AP3M1: variants seen among roughly 807,000 people sequenced by gnomAD.
The protein encoded by AP3M1 is adaptor related protein complex 3 subunit mu 1.
AP3M1 carries 29 observed loss-of-function variants against 42.6 expected under a neutral mutation model. The ratio of observed to expected loss-of-function variants is 0.68; its 90% CI spans 0.51 to 0.93. The LOEUF (loss-of-function observed/expected upper bound fraction) is 0.93. AP3M1 is among the 40% of genes least tolerant of loss of function. The pLI, the probability that AP3M1 is intolerant of heterozygous loss-of-function variation, is 0.00. For missense variants in AP3M1, 416 were observed against 510.2 expected (o/e 0.82, Z 1.78); for synonymous variants, 178 against 175.3 (o/e 1.02, Z -0.12).
At chr10:74,148,890 T>G (rs1167902686) in intron 1 of AP3M1, among the ~76,000 whole-genome samples, 1 of 151,670 alleles carries the variant, frequency 6.6e-6, no homozygotes, top group Non-Finnish European at 1.5e-5. Context: ...TTTTTTTTTT[T>G]TGAGACGGAG....
At chr10:74,135,886 G>T (rs1368871582) in intron 3 of AP3M1, among the ~76,000 whole-genome samples, 2 of 151,994 alleles carry the variant, frequency 1.3e-5, no homozygotes, top group Non-Finnish European at 1.5e-5. Flanking sequence ...TTTCTTATAG[G>T]CCTCTCTCAC....
intron 2 of AP3M1, 115 bp from the exon 3 acceptor site, chr10:74,136,918 G>A (rs990944849): frequency 3.0e-6 from 2 of 664,754 alleles, no homozygotes; most frequent in Middle Eastern, 3.8e-4. Flanking sequence ...TTAAGCTGCT[G>A]AACATATATA....
rs995854320 is a variant in AP3M1, at chr10:74,123,666, T to A, written c.*144A>T. The A allele has an allele frequency of 6.0e-6, 4 of 667,744 alleles. No homozygotes were observed. The highest frequency in any genetic ancestry group is 1.1e-5 in the Non-Finnish European group (4 of 376,200). The allele number at this position is 667,744 out of a possible 1,614,324, so 41.4% of individuals were successfully genotyped here. Reference sequence around the variant, plus strand: ...AAGCTCCTTAAGAATCCTACATTGATAACTAAGTAACTTTGTTAGCGGTGT... The same window carrying A: ...AAGCTCCTTAAGAATCCTACATTGAAAACTAAGTAACTTTGTTAGCGGTGT... On this transcript the variant is annotated 3_prime_UTR_variant, in exon 9 of 9. Coordinates refer to ENST00000355264, the MANE Select transcript of AP3M1 (RefSeq NM_012095.6).
chr10:74,126,010 C>T, intron 7 of AP3M1, 138 bp downstream of exon 7: 1 of 834,204 alleles, frequency 1.2e-6, no homozygotes, highest in Non-Finnish European at 2.0e-6. Flanking sequence ...GGCAGAAGCA[C>T]AGCACAGTAT....
At chr10:74,142,925 C>G (rs1841202835) in intron 1 of AP3M1, among the ~76,000 whole-genome samples, 1 of 152,186 alleles carries the variant, frequency 6.6e-6, no homozygotes, top group African/African-American at 2.4e-5. Flanking sequence ...AAATCAGCAT[C>G]TGAAATATAT....
At position 74,123,911 on chromosome 10, in the gene AP3M1, C is replaced by G; in HGVS notation, c.1157-1G>C. ...ATGTCCAAACGGTTTACTTTTAAGC[C>G]TGTATCAAAAAGAATGAAAAAGAAT... is the stretch of plus-strand genomic sequence containing the variant. On this transcript the variant is annotated splice_acceptor_variant, in intron 8 of 8. Coordinates refer to ENST00000355264, the MANE Select transcript of AP3M1 (RefSeq NM_012095.6). LOFTEE classifies it high-confidence loss of function. 1 of 1,611,178 alleles carries G rather than the reference C, an allele frequency of 6.2e-7. No homozygotes were observed. The highest frequency in any genetic ancestry group is 8.5e-7 in the Non-Finnish European group (1 of 1,177,484).
chr10:74,139,460 A>AC (rs966483063), intron 1 of AP3M1, among the ~76,000 whole-genome samples: 2 of 151,654 alleles, frequency 1.3e-5, no homozygotes, highest in Non-Finnish European at 2.9e-5. Context: ...TTAAAAAAAA[A>AC]AAAACAAAAC....
chr10:74,140,586 G>A (rs2131990561), intron 1 of AP3M1, among the ~76,000 whole-genome samples: 1 of 150,866 alleles, frequency 6.6e-6, no homozygotes, highest in East Asian at 1.9e-4. Context: ...TAAAAAGATT[G>A]AAAAAATATA....
intron 6 of AP3M1, among the ~76,000 whole-genome samples, 156 bp from the exon 7 acceptor site, chr10:74,126,511 T>C (rs1330574322): frequency 6.6e-6 from 1 of 152,210 alleles, no homozygotes; most frequent in Non-Finnish European, 1.5e-5. Flanking sequence ...GTAGCCACAG[T>C]TCTGCATCCT....
chr10:74,128,931 A>G, intron 6 of AP3M1, 177 bp downstream of exon 6: 1 of 646,318 alleles, frequency 1.5e-6, no homozygotes, highest in Non-Finnish European at 2.6e-6. Context: ...TCATACATTC[A>G]AAGTATACGG....
intron 1 of AP3M1, among the ~76,000 whole-genome samples, chr10:74,139,304 C>A (rs1841051728): frequency 6.6e-6 from 1 of 151,984 alleles, no homozygotes; most frequent in African/African-American, 2.4e-5. Context: ...ATATTTCTAT[C>A]CACTATAGCT....
chr10:74,142,154 C>A (rs1218022959), intron 1 of AP3M1, among the ~76,000 whole-genome samples: 2 of 152,134 alleles, frequency 1.3e-5, no homozygotes, highest in Non-Finnish European at 2.9e-5. Flanking sequence ...ATTGTCCCTG[C>A]AATATGGGGG....
chr10:74,140,819 G>C (rs1333594827), intron 1 of AP3M1, among the ~76,000 whole-genome samples: 1 of 152,080 alleles, frequency 6.6e-6, no homozygotes, highest in East Asian at 1.9e-4. Context: ...AATGGTACTG[G>C]AACAACTGGA....
intron 4 of AP3M1, among the ~76,000 whole-genome samples, chr10:74,130,197 T>C (rs778365177): frequency 1.2e-4 from 18 of 150,822 alleles, no homozygotes; most frequent in Non-Finnish European, 2.2e-4. Context: ...GCCTCCCAAA[T>C]AGCTGGGAAT....
At chr10:74,127,643 T>G (rs1840657907) in intron 6 of AP3M1, among the ~76,000 whole-genome samples, 1 of 148,164 alleles carries the variant, frequency 6.7e-6, no homozygotes, top group Non-Finnish European at 1.5e-5. Context: ...TGGGTGACAA[T>G]AGTGAAACTC....
chr10:74,133,525 C>A (rs1212126727), intron 4 of AP3M1, among the ~76,000 whole-genome samples: 1 of 151,946 alleles, frequency 6.6e-6, no homozygotes, highest in African/African-American at 2.4e-5. Flanking sequence ...CATGTGATTG[C>A]ACTCCAGCCT....
At chr10:74,149,876 G>A (rs12256105) in intron 1 of AP3M1, among the ~76,000 whole-genome samples, 27,850 of 151,998 alleles carry the variant, frequency 0.18, 3,124 homozygotes, top group African/African-American at 0.32. Flanking sequence ...ATGAAGGATT[G>A]GTCTACACTT....
At chr10:74,140,050 C>T (rs1034751624) in intron 1 of AP3M1, among the ~76,000 whole-genome samples, 3 of 152,132 alleles carry the variant, frequency 2.0e-5, no homozygotes, top group Non-Finnish European at 4.4e-5. Flanking sequence ...GGGTGGGGTG[C>T]GCCATTCCTC....
chr10:74,129,078 T>C (rs777990129), intron 6 of AP3M1, 30 bp downstream of exon 6: 9 of 1,612,440 alleles, frequency 5.6e-6, no homozygotes, highest in Middle Eastern at 1.6e-4. Flanking sequence ...ATATGTATGA[T>C]GGCAGATTCT....
Sources: gnomAD v4.1 joint callset for allele counts (sites outside exome capture counted in the v4.1 genomes callset) on GRCh38, gnomAD v4.1.1 for gene constraint, MANE v1.5 for transcripts, NCBI Gene and HGNC (gene_info 2026-07-23, HGNC 2026-07-21) for gene names.